The following ASTN2 variants were observed in gnomAD, a reference collection of about 807,000 sequenced individuals.
The protein encoded by ASTN2 is astrotactin 2.
Under a neutral mutation model 139.8 loss-of-function variants are expected in ASTN2, and 54 were observed. That is an observed-to-expected ratio of 0.39 (90% confidence interval 0.31 to 0.48). The LOEUF (loss-of-function observed/expected upper bound fraction) is 0.48. Among genes scored for constraint, ASTN2 ranks in the 20% least tolerant of loss-of-function variants. ASTN2 has a pLI of 0.95. For synonymous variants in ASTN2, 756 were observed against 719.5 expected (o/e 1.05, Z -0.81); for missense variants, 1,565 against 1,725.1 (o/e 0.91, Z 1.64).
intron 16 of ASTN2, among the ~76,000 whole-genome samples, chr9:116,720,038 C>T (rs1468362520): frequency 1.3e-5 from 2 of 152,126 alleles, no homozygotes; most frequent in Admixed American, 6.5e-5. Flanking sequence ...AAACTGAAGG[C>T]TCTGGAGAAT....
At chr9:117,110,016 G>A (rs1284713067) in intron 4 of ASTN2, among the ~76,000 whole-genome samples, 17 of 152,014 alleles carry the variant, frequency 1.1e-4, no homozygotes, top group African/African-American at 2.7e-4. Context: ...CCTATTTCAC[G>A]TTGGAATCTG....
intron 19 of ASTN2, among the ~76,000 whole-genome samples, chr9:116,528,223 G>C (rs1441794410): frequency 1.3e-5 from 2 of 152,200 alleles, no homozygotes; most frequent in African/African-American, 4.8e-5. Flanking sequence ...GGTGGTCTCA[G>C]ATGGAGATGA....
chr9:116,480,415 T>C (rs117674093), intron 20 of ASTN2, among the ~76,000 whole-genome samples: 5,487 of 152,302 alleles, frequency 0.036, 163 homozygotes, highest in Non-Finnish European at 0.056. Context: ...AATTTCCACA[T>C]TGACTTGAAA....
intron 19 of ASTN2, among the ~76,000 whole-genome samples, chr9:116,575,523 T>A (rs1262928014): frequency 6.6e-6 from 1 of 152,098 alleles, no homozygotes; most frequent in South Asian, 2.1e-4. Flanking sequence ...AAAAAGCACA[T>A]CTTTACTAAG....
chr9:116,870,451 C>T (rs1385618526), intron 10 of ASTN2, among the ~76,000 whole-genome samples: 1 of 152,162 alleles, frequency 6.6e-6, no homozygotes, highest in Non-Finnish European at 1.5e-5. Flanking sequence ...TATCTGAGTA[C>T]CTGCTGCATG....
chr9:117,308,030 T>G (rs1291378347), intron 1 of ASTN2, among the ~76,000 whole-genome samples: 3 of 152,136 alleles, frequency 2.0e-5, no homozygotes, highest in African/African-American at 7.2e-5. Context: ...TTCCACTGAT[T>G]TGCTATTTTA....
At position 117,096,075 on chromosome 9, in the gene ASTN2, C is replaced by T. The variant is rs776094932; in HGVS notation, c.1245G>A (p.Thr415=). The change falls in exon 5 of 23, where the codon ACG becomes ACA. Residue 415 remains threonine (T), a synonymous_variant. Coordinates refer to ENST00000313400, the MANE Select transcript of ASTN2 (RefSeq NM_001365068.1). ...TGCGGCGGCGACTGCGGTACTGCTC[C>T]GTGTAGAATGTCAGCTGAGTTTCAT... ...ADDETQLTFY[T]EQYRSRRRSK... The T allele has an allele frequency of 9.3e-6, 15 of 1,613,978 alleles. No individual in the cohort carries two copies. The highest frequency in any genetic ancestry group is 4.5e-5 in the East Asian group (2 of 44,880).
At chr9:116,758,247 C>A (rs1588269272) in intron 13 of ASTN2, among the ~76,000 whole-genome samples, 1 of 152,142 alleles carries the variant, frequency 6.6e-6, no homozygotes, top group South Asian at 2.1e-4. Context: ...AAACTTATTG[C>A]TAGCAAAGAA....
intron 1 of ASTN2, among the ~76,000 whole-genome samples, chr9:117,292,383 T>C (rs564413102): frequency 6.6e-6 from 1 of 152,288 alleles, no homozygotes; most frequent in East Asian, 1.9e-4. Context: ...ATGATGAAAG[T>C]GTCATTGCAA....
intron 16 of ASTN2, among the ~76,000 whole-genome samples, chr9:116,681,374 A>C: frequency 6.6e-6 from 1 of 152,200 alleles, no homozygotes; most frequent in Non-Finnish European, 1.5e-5. Flanking sequence ...GAAATAAAAG[A>C]GGATACAAAC....
chr9:116,663,390 A>G (rs1858677204), intron 16 of ASTN2, among the ~76,000 whole-genome samples: 1 of 152,144 alleles, frequency 6.6e-6, no homozygotes, highest in Admixed American at 6.5e-5. Context: ...TCTAGGAACC[A>G]TTAGTCAGTT....
rs182301989 is a variant in ASTN2, at chr9:116,577,141, A to C, written c.3355+41183T>G. ...CATCCAAAGTCACGCACAGTTGGTGATGGGGCTAGGATCTGAAATCAGAAT... is the reference window on the plus strand; with the variant it reads ...CATCCAAAGTCACGCACAGTTGGTGCTGGGGCTAGGATCTGAAATCAGAAT... On this transcript the variant is annotated intron_variant, in intron 19 of 22. Transcript: ENST00000313400. Among the ~76,000 whole-genome samples, 17 of 152,306 alleles carry C rather than the reference A, an allele frequency of 1.1e-4. No homozygotes were observed. In the East Asian group the frequency reaches 1.7e-3, roughly 16 times the overall value.
chr9:116,537,174 C>A (rs1260407858), intron 19 of ASTN2, among the ~76,000 whole-genome samples: 1 of 152,204 alleles, frequency 6.6e-6, no homozygotes, highest in Non-Finnish European at 1.5e-5. Context: ...GATATAATCT[C>A]CTGGTGTGCC....
At chr9:116,467,193 C>T (rs1182985905) in intron 20 of ASTN2, among the ~76,000 whole-genome samples, 1 of 152,142 alleles carries the variant, frequency 6.6e-6, no homozygotes, top group Non-Finnish European at 1.5e-5. Context: ...CTTCATACCC[C>T]TCATAAGGAA....
At chr9:117,115,708 G>C (rs10983532) in intron 4 of ASTN2, among the ~76,000 whole-genome samples, 35,697 of 151,782 alleles carry the variant, frequency 0.24, 5,184 homozygotes, top group Middle Eastern at 0.41. Flanking sequence ...CTGTGCAGTA[G>C]GCTAGGGGTA....
chr9:116,472,740 C>G (rs1486365598), intron 20 of ASTN2, among the ~76,000 whole-genome samples: 2 of 146,160 alleles, frequency 1.4e-5, no homozygotes, highest in Non-Finnish European at 3.0e-5. Flanking sequence ...CCAGTCTCTA[C>G]TAAAAATACA....
intron 13 of ASTN2, among the ~76,000 whole-genome samples, chr9:116,798,359 G>T (rs1418620169): frequency 6.6e-6 from 1 of 152,216 alleles, no homozygotes; most frequent in Non-Finnish European, 1.5e-5. Context: ...TTCAGTAACT[G>T]AAAGAAAGAA....
At chr9:116,999,848 C>T (rs1837144583) in intron 7 of ASTN2, among the ~76,000 whole-genome samples, 1 of 152,074 alleles carries the variant, frequency 6.6e-6, no homozygotes, top group African/African-American at 2.4e-5. Flanking sequence ...GAACGAGCCA[C>T]CATGCCTGGC....
chr9:117,080,544 A>C (rs1828399736), intron 5 of ASTN2, among the ~76,000 whole-genome samples: 1 of 152,350 alleles, frequency 6.6e-6, no homozygotes, highest in Admixed American at 6.5e-5. Flanking sequence ...AGGATAAGAA[A>C]GAGTGTGCAG....
Sources: gnomAD v4.1 joint callset for allele counts (sites outside exome capture counted in the v4.1 genomes callset) on GRCh38, gnomAD v4.1.1 for gene constraint, MANE v1.5 for transcripts, NCBI Gene and HGNC (gene_info 2026-07-23, HGNC 2026-07-21) for gene names.